CPNE4: variants seen among roughly 807,000 people sequenced by gnomAD.
The protein encoded by CPNE4 is copine 4, also known as copine-4.
In CPNE4, 25 loss-of-function variants were observed where a neutral mutation model predicts 67.9. The ratio of observed to expected loss-of-function variants is 0.37; its 90% CI spans 0.27 to 0.51. The LOEUF (loss-of-function observed/expected upper bound fraction) is 0.51, where lower values mean the gene tolerates loss of function less well. Among genes scored for constraint, CPNE4 ranks in the 20% least tolerant of loss-of-function variants. The probability of loss-of-function intolerance (pLI) is 0.93; values close to 1 mark genes in which losing one functional copy is unlikely to be tolerated. For missense variants in CPNE4, 464 were observed against 690.8 expected, an observed-to-expected ratio of 0.67 and a Z score of 3.68; for synonymous variants, 242 against 244.9, an observed-to-expected ratio of 0.99 and a Z score of 0.11.
chr3:131,660,619 G>A (rs1279150582), intron 7 of CPNE4, among the ~76,000 whole-genome samples: 2 of 152,136 alleles, frequency 1.3e-5, no homozygotes, highest in African/African-American at 2.4e-5. Context: ...ATGGAGTTTA[G>A]GTTCCAGAGT....
chr3:131,704,168 T>C (rs2081366402), intron 3 of CPNE4, among the ~76,000 whole-genome samples: 1 of 152,150 alleles, frequency 6.6e-6, no homozygotes, highest in African/African-American at 2.4e-5. Flanking sequence ...TCTCTCACTG[T>C]AGCAGGCAAG....
At chr3:131,970,176 C>A (rs889182177) in intron 1 of CPNE4, among the ~76,000 whole-genome samples, 1 of 152,144 alleles carries the variant, frequency 6.6e-6, no homozygotes, top group Non-Finnish European at 1.5e-5. Context: ...TTTTCTAATG[C>A]TCTAGAGATA....
intron 1 of CPNE4, among the ~76,000 whole-genome samples, chr3:131,915,328 T>C (rs928141839): frequency 2.6e-5 from 4 of 152,206 alleles, no homozygotes; most frequent in Admixed American, 1.3e-4. Context: ...ATTGAGATTG[T>C]GCTCTGGCAG....
chr3:131,593,701 GGTTTGTTT>G (rs981277116), intron 7 of CPNE4, among the ~76,000 whole-genome samples: 14 of 152,010 alleles, frequency 9.2e-5, no homozygotes, highest in East Asian at 7.7e-4. Context: ...CCAGGACTAT[GGTTTGTTT>G]GTTTGTTTGT....
At chr3:131,801,425 T>C (rs1175692598) in intron 2 of CPNE4, among the ~76,000 whole-genome samples, 1 of 79,042 alleles carries the variant, frequency 1.3e-5, no homozygotes, top group Non-Finnish European at 2.5e-5. Context: ...CGTGTGTGTG[T>C]GTGTGTGTGT....
At chr3:131,872,875 G>A (rs533649770) in intron 2 of CPNE4, among the ~76,000 whole-genome samples, 5 of 152,158 alleles carry the variant, frequency 3.3e-5, no homozygotes, top group South Asian at 4.2e-4. Context: ...CAATAATTTC[G>A]TCCCTCAGCC....
intron 1 of CPNE4, among the ~76,000 whole-genome samples, chr3:131,993,473 A>AAAAAAAG (rs368273667): frequency 0.032 from 263 of 8,276 alleles, 29 homozygotes; most frequent in African/African-American, 0.076. Context: ...CAGGAGTGGC[A>AAAAAAAG]AAAAAAAAAA....
chr3:131,829,637 T>TA (rs2085295631), intron 2 of CPNE4, among the ~76,000 whole-genome samples: 1 of 152,100 alleles, frequency 6.6e-6, no homozygotes. Context: ...TATGATTACT[T>TA]AAAAAAACAA....
chr3:131,941,001 T>G (rs2107856462), intron 1 of CPNE4, among the ~76,000 whole-genome samples: 1 of 152,082 alleles, frequency 6.6e-6, no homozygotes, highest in East Asian at 1.9e-4. Flanking sequence ...AAACACGAAA[T>G]AAGAGGAAAC....
rs569978252 is a variant in CPNE4, at chr3:131,792,728, T to TAC, written c.181-69105_181-69104dup. Among the ~76,000 whole-genome samples the TAC allele has an allele frequency of 4.6e-3, 435 of 93,568 alleles. 21 individuals carry two copies. The highest frequency in any genetic ancestry group is 0.013 in the African/African-American group (384 of 29,252). 61.4% of individuals were successfully genotyped at this position (93,568 alleles called of 152,430 possible). A position where few individuals can be genotyped will look rare whatever the true frequency, so the allele number is the denominator to read the frequency against. On this transcript the variant is annotated intron_variant, in intron 2 of 15. Coordinates refer to ENST00000429747, the MANE Select transcript of CPNE4 (RefSeq NM_130808.3). ...ACACACGTGTATATATGTATATATA[T>TAC]ACACGTGTGTATATATGTATATATA...
chr3:131,728,929 C>T (rs1306692463), intron 2 of CPNE4, among the ~76,000 whole-genome samples: 1 of 145,100 alleles, frequency 6.9e-6, no homozygotes, highest in Non-Finnish European at 1.5e-5. Context: ...AAAAAATTGG[C>T]TTGTGTGCGG....
intron 7 of CPNE4, among the ~76,000 whole-genome samples, chr3:131,662,980 T>C (rs1383441361): frequency 6.6e-6 from 1 of 152,202 alleles, no homozygotes; most frequent in African/African-American, 2.4e-5. Flanking sequence ...CAAAGGATTA[T>C]AAATCATTCT....
At chr3:131,647,108 C>T (rs1453871300) in intron 7 of CPNE4, among the ~76,000 whole-genome samples, 2 of 152,212 alleles carry the variant, frequency 1.3e-5, no homozygotes, top group East Asian at 3.8e-4. Context: ...TGTCAAGATA[C>T]TGCTTTGGCC....
At chr3:131,706,948 G>T (rs1046617943) in intron 3 of CPNE4, among the ~76,000 whole-genome samples, 4 of 152,120 alleles carry the variant, frequency 2.6e-5, no homozygotes, top group Non-Finnish European at 5.9e-5. Context: ...TATCTTACAT[G>T]TATTGATTAA....
intron 1 of CPNE4, among the ~76,000 whole-genome samples, chr3:131,965,966 T>C (rs2072331392): frequency 6.6e-6 from 1 of 152,258 alleles, no homozygotes; most frequent in East Asian, 1.9e-4. Context: ...GACCACATAA[T>C]TCGAAGTAAA....
At chr3:131,876,470 A>G (rs13099790) in intron 2 of CPNE4, among the ~76,000 whole-genome samples, 95,905 of 150,380 alleles carry the variant, frequency 0.64, 30,841 homozygotes, top group Admixed American at 0.73. Flanking sequence ...GTGAAACCCC[A>G]TCTCTACTAA....
intron 7 of CPNE4, among the ~76,000 whole-genome samples, chr3:131,603,091 T>C (rs1939299639): frequency 6.6e-6 from 1 of 152,166 alleles, no homozygotes; most frequent in East Asian, 1.9e-4. Context: ...CACCTGTCTG[T>C]ATTTTCTAGA....
At chr3:131,828,167 C>T (rs1242016905) in intron 2 of CPNE4, among the ~76,000 whole-genome samples, 1 of 151,874 alleles carries the variant, frequency 6.6e-6, no homozygotes, top group East Asian at 1.9e-4. Context: ...AATTTTATTC[C>T]CCTCACTGCT....
intron 2 of CPNE4, among the ~76,000 whole-genome samples, chr3:131,799,125 AAC>A (rs1312401898): frequency 2.6e-5 from 4 of 152,318 alleles, no homozygotes; most frequent in Non-Finnish European, 4.4e-5. Flanking sequence ...AAAAAATATG[AAC>A]AATACCACGG....
Sources: allele counts gnomAD v4.1 joint callset (sites outside exome capture counted in the v4.1 genomes callset), GRCh38; gene constraint gnomAD v4.1.1; transcripts MANE v1.5; gene names NCBI Gene and HGNC (gene_info 2026-07-23, HGNC 2026-07-21).